The following DLC1 variants were observed in gnomAD, a reference collection of about 807,000 sequenced individuals.
The protein encoded by DLC1 is rho GTPase-activating protein 7.
DLC1 carries 54 observed loss-of-function variants against 140.3 expected under a neutral mutation model. The observed-to-expected ratio is 0.38, with a 90% confidence interval of 0.31 to 0.48. DLC1 has a LOEUF of 0.48. DLC1 is among the 20% of genes least tolerant of loss of function. DLC1 has a pLI of 0.96. For missense variants in DLC1, 2,536 were observed against 1,907.0 expected (o/e 1.33, Z -6.14); for synonymous variants, 986 against 728.1 (o/e 1.35, Z -5.70).
At chr8:13,562,609 C>T (rs562511764) in intron 1 of DLC1, among the ~76,000 whole-genome samples, 66 of 152,278 alleles carry the variant, frequency 4.3e-4, no homozygotes, top group African/African-American at 1.5e-3. Flanking sequence ...TGCTCCCATA[C>T]ATTGCTGGCA....
chr8:13,416,253 A>T (rs1838052028), intron 2 of DLC1, among the ~76,000 whole-genome samples: 1 of 152,238 alleles, frequency 6.6e-6, no homozygotes, highest in Non-Finnish European at 1.5e-5. Context: ...ATATGCAAAT[A>T]TCACTCTATA....
At chr8:13,246,340 C>G (rs980431769) in intron 5 of DLC1, among the ~76,000 whole-genome samples, 32 of 152,266 alleles carry the variant, frequency 2.1e-4, no homozygotes, top group African/African-American at 7.0e-4. Context: ...TGCCAGGTAA[C>G]TGTTCAGATG....
intron 1 of DLC1, among the ~76,000 whole-genome samples, chr8:13,593,093 A>C (rs1468494705): frequency 6.6e-6 from 1 of 152,058 alleles, no homozygotes; most frequent in Non-Finnish European, 1.5e-5. Context: ...CTGAAGTTAC[A>C]CTGCAGTACT....
chr8:13,456,866 G>T (rs1258815518), intron 2 of DLC1, among the ~76,000 whole-genome samples: 1 of 152,144 alleles, frequency 6.6e-6, no homozygotes, highest in Non-Finnish European at 1.5e-5. Flanking sequence ...CTTTCCAGGT[G>T]CTGACAAAGA....
Position 13,494,015 on chromosome 8 carries a change from A to G in DLC1, c.1023+5034T>C, listed in dbSNP as rs1436515317. ...ATGTAAAGTACAGTATGTACAATATAATGTTTTATTCCTGGACAGTTTTTC... is the reference window on the plus strand; with the variant it reads ...ATGTAAAGTACAGTATGTACAATATGATGTTTTATTCCTGGACAGTTTTTC... On this transcript the variant is annotated intron_variant, in intron 2 of 17. Transcript: ENST00000276297. Among the ~76,000 whole-genome samples, 3 of 152,228 alleles carry G rather than the reference A, an allele frequency of 2.0e-5. No homozygotes were observed. The East Asian group carries it at 5.8e-4, about 29-fold the overall frequency.
At chr8:13,266,813 T>G (rs1215577411) in intron 5 of DLC1, among the ~76,000 whole-genome samples, 1 of 152,122 alleles carries the variant, frequency 6.6e-6, no homozygotes, top group Admixed American at 6.6e-5. Flanking sequence ...AACAAAAAAC[T>G]GTTAGAAACT....
intron 8 of DLC1, 150 bp downstream of exon 8, chr8:13,102,640 T>A (rs1024993600): frequency 1.4e-6 from 1 of 703,112 alleles, no homozygotes; most frequent in Admixed American, 2.4e-5. Context: ...TACATAAGGC[T>A]ATCAAGTCTA....
intron 5 of DLC1, chr8:13,276,426 C>T: frequency 1.4e-6 from 2 of 1,437,292 alleles, no homozygotes; most frequent in Middle Eastern, 1.9e-4. Context: ...TTCAGCGCAG[C>T]CCGGGCGCCG....
intron 3 of DLC1, among the ~76,000 whole-genome samples, chr8:13,396,292 C>G (rs530769167): frequency 1.3e-5 from 2 of 152,054 alleles, no homozygotes; most frequent in African/African-American, 4.8e-5. Flanking sequence ...ATCTCCTGAC[C>G]TCGTGATCCG....
intron 5 of DLC1, among the ~76,000 whole-genome samples, chr8:13,124,299 C>T (rs1821371818): frequency 6.6e-6 from 1 of 152,088 alleles, no homozygotes; most frequent in Admixed American, 6.6e-5. Context: ...TTTAAGGAAG[C>T]ATTATGATCT....
intron 5 of DLC1, among the ~76,000 whole-genome samples, chr8:13,300,768 T>C (rs1832159337): frequency 6.6e-6 from 1 of 152,222 alleles, no homozygotes; most frequent in Non-Finnish European, 1.5e-5. Flanking sequence ...TTAATTTTAC[T>C]CTGTGGCTAA....
chr8:13,127,594 T>G (rs1304949905), intron 5 of DLC1, among the ~76,000 whole-genome samples: 1 of 152,222 alleles, frequency 6.6e-6, no homozygotes, highest in African/African-American at 2.4e-5. Flanking sequence ...TTTTGTCACT[T>G]GAGTGTGAGG....
intron 5 of DLC1, among the ~76,000 whole-genome samples, chr8:13,266,280 G>T (rs965217563): frequency 6.6e-6 from 1 of 152,212 alleles, no homozygotes; most frequent in African/African-American, 2.4e-5. Flanking sequence ...GAAGCATTCT[G>T]GGTTGTGATG....
In DLC1 at chr8:13,084,987, G is replaced by C. The variant is rs756879670; in HGVS notation, c.*824C>G. The C allele has an allele frequency of 6.6e-6, 1 of 152,284 alleles. No homozygotes were observed. Among genetic ancestry groups the C allele is most frequent in the South Asian group, 2.1e-4 (1 of 4,832 alleles). 9.4% of individuals were successfully genotyped at this position (152,284 alleles called of 1,614,324 possible). On this transcript the variant is annotated 3_prime_UTR_variant, in exon 18 of 18. Coordinates refer to ENST00000276297, the MANE Select transcript of DLC1 (RefSeq NM_182643.3). ...AAACAAAACAAAACCCTGTGGATCA[G>C]AGCCAGTAAGGCTAGAGGGAGCAGT...
At chr8:13,315,998 T>C (rs80334124) in intron 4 of DLC1, among the ~76,000 whole-genome samples, 2,556 of 152,356 alleles carry the variant, frequency 0.017, 19 homozygotes, top group South Asian at 0.041. Flanking sequence ...TCTGAAAGAC[T>C]ACTAAGTGAT....
intron 8 of DLC1, among the ~76,000 whole-genome samples, chr8:13,102,008 T>C (rs891600727): frequency 4.6e-5 from 7 of 152,202 alleles, no homozygotes; most frequent in African/African-American, 1.7e-4. Flanking sequence ...CTCTTCTGCA[T>C]AGCTCAGTGG....
intron 5 of DLC1, among the ~76,000 whole-genome samples, chr8:13,255,930 A>G (rs1462922662): frequency 1.3e-5 from 2 of 152,218 alleles, no homozygotes; most frequent in Non-Finnish European, 2.9e-5. Context: ...CCTGTATGCT[A>G]TATCATTTTG....
intron 5 of DLC1, among the ~76,000 whole-genome samples, chr8:13,254,315 C>T (rs1306208887): frequency 6.6e-6 from 1 of 152,148 alleles, no homozygotes; most frequent in Non-Finnish European, 1.5e-5. Flanking sequence ...CCAGAACACG[C>T]CTCCTACCCA....
At chr8:13,514,229 G>A (rs1333065295) in intron 1 of DLC1, among the ~76,000 whole-genome samples, 1 of 152,092 alleles carries the variant, frequency 6.6e-6, no homozygotes. Flanking sequence ...AGGAAGGTAG[G>A]GGAGGAATTC....
Sources: gnomAD v4.1 joint callset for allele counts (sites outside exome capture counted in the v4.1 genomes callset) on GRCh38, gnomAD v4.1.1 for gene constraint, MANE v1.5 for transcripts, NCBI Gene and HGNC (gene_info 2026-07-23, HGNC 2026-07-21) for gene names.